Variants in PCDHGB1 observed in about 807,000 individuals in gnomAD.
The protein encoded by PCDHGB1 is protocadherin gamma subfamily B, 1, also known as protocadherin gamma-B1.
Under a neutral mutation model 56.6 loss-of-function variants are expected in PCDHGB1, and 34 were observed. That is an observed-to-expected ratio of 0.60 (90% CI 0.46 to 0.80). The LOEUF (loss-of-function observed/expected upper bound fraction) is 0.80, where lower values mean the gene tolerates loss of function less well. Among genes scored for constraint, PCDHGB1 ranks in the 30% least tolerant of loss-of-function variants. The pLI is 0.00. For synonymous variants in PCDHGB1, 561 were observed against 505.9 expected (o/e 1.11, Z -1.46); for missense variants, 1,278 against 1,204.6 (o/e 1.06, Z -0.90).
At chr5:141,410,668 T>C in intron 1 of PCDHGB1, 2 of 1,565,640 alleles carry the variant, frequency 1.3e-6, no homozygotes, top group African/African-American at 2.7e-5. Context: ...TCTACTAGTT[T>C]CTCATATTTT....
chr5:141,415,048 G>C lies in PCDHGB1; in HGVS notation c.2409+62379G>C, dbSNP rs535976406. The C allele has an allele frequency of 5.0e-5, 80 of 1,613,320 alleles. 1 individual carries two copies. The Admixed American group carries it at 6.0e-4, about 12-fold the overall frequency. ...CGAGCCGGGACTCTTCGCGGTGGGG[G>C]AGCACACGGGCGAGGTGCGCACGGC... is the stretch of plus-strand genomic sequence containing the variant. On this transcript the variant is annotated intron_variant, in intron 1 of 3. Transcript: ENST00000523390.
chr5:141,486,105 A>C lies in PCDHGB1; in HGVS notation c.2410-8702A>C. The stretch of plus-strand genomic sequence containing the variant: ...ACTCTTTTGGGGCCCCTAGACTTTG[A>C]GAGTGAGAATTACTATGAATTTGAT... On this transcript the variant is annotated intron_variant, in intron 1 of 3. Transcript: ENST00000523390. This position sits in a 1 kb window ranked among gnomAD's most constrained non-coding sequence, Gnocchi z 5.0. The C allele has an allele frequency of 1.2e-6, 2 of 1,614,138 alleles. No individual in the cohort carries two copies. The highest frequency in any genetic ancestry group is 1.7e-6 in the Non-Finnish European group (2 of 1,180,016).
chr5:141,427,405 C>T (rs1209638263), intron 1 of PCDHGB1: 1 of 462,180 alleles, frequency 2.2e-6, no homozygotes, highest in East Asian at 6.8e-5. Context: ...GATAAAGATT[C>T]GAGAGAAAAT....
chr5:141,414,469 G>T (rs944183814), intron 1 of PCDHGB1: 1 of 1,613,742 alleles, frequency 6.2e-7, no homozygotes, highest in African/African-American at 1.3e-5. Context: ...CACAGATGGG[G>T]GAAGTCCTCC....
At chr5:141,382,873 C>G (rs1338163064) in intron 1 of PCDHGB1, 4 of 1,522,326 alleles carry the variant, frequency 2.6e-6, no homozygotes, top group Non-Finnish European at 3.5e-6. Context: ...CCGAGATCGG[C>G]GCCTAAGCAA....
intron 1 of PCDHGB1, among the ~76,000 whole-genome samples, chr5:141,402,701 G>T (rs1561683907): frequency 1.3e-5 from 2 of 152,178 alleles, no homozygotes; most frequent in African/African-American, 2.4e-5. Context: ...ACATCAGTGG[G>T]TGTAGTAACG....
At chr5:141,389,462 C>G in intron 1 of PCDHGB1, 1 of 1,613,316 alleles carries the variant, frequency 6.2e-7, no homozygotes, top group East Asian at 2.2e-5. Flanking sequence ...TGCGCGCCTT[C>G]GAACTCACAC....
intron 1 of PCDHGB1, among the ~76,000 whole-genome samples, chr5:141,446,473 G>C (rs558209769): frequency 2.0e-4 from 29 of 148,138 alleles, no homozygotes; most frequent in Non-Finnish European, 1.5e-4. Context: ...TAGACATATG[G>C]TCATCATTCT....
chr5:141,462,911 T>C (rs1263378930), intron 1 of PCDHGB1, among the ~76,000 whole-genome samples: 1 of 152,248 alleles, frequency 6.6e-6, no homozygotes, highest in Non-Finnish European at 1.5e-5. Flanking sequence ...ATTATGTTTT[T>C]TGCAGATCAG....
At chr5:141,445,070 A>G (rs185808898) in intron 1 of PCDHGB1, among the ~76,000 whole-genome samples, 30 of 152,306 alleles carry the variant, frequency 2.0e-4, no homozygotes, top group African/African-American at 7.2e-4. Context: ...TATATTTCTC[A>G]TTAAATTGTC....
In PCDHGB1 at chr5:141,366,563, G is replaced by A. The variant is rs369803383; in HGVS notation, c.2409+13894G>A. 2.0e-5 allele frequency: 32 copies of A among 1,614,130 alleles called. No individual in the cohort carries two copies. The African/African-American group carries it at 3.1e-4, about 15-fold the overall frequency. On this transcript the variant is annotated intron_variant, in intron 1 of 3. Coordinates refer to ENST00000523390, the MANE Select transcript of PCDHGB1 (RefSeq NM_018922.3). ...CGCCTCGCACTTTGTGGGCGTGGAT[G>A]GGGTTCGGGCTTTCCTGCAGACCTA...
chr5:141,466,754 C>G (rs1045917268), intron 1 of PCDHGB1, among the ~76,000 whole-genome samples: 2 of 152,138 alleles, frequency 1.3e-5, no homozygotes, highest in South Asian at 2.1e-4. Context: ...GATAGGGGCT[C>G]TTTTCAAACT....
At chr5:141,366,185 G>A in intron 1 of PCDHGB1, 1 of 1,614,010 alleles carries the variant, frequency 6.2e-7, no homozygotes, top group Admixed American at 1.7e-5. Flanking sequence ...ACTCTTTGCG[G>A]TTGGGCTGCA....
intron 1 of PCDHGB1, among the ~76,000 whole-genome samples, chr5:141,461,001 A>C (rs1309762345): frequency 6.7e-6 from 1 of 150,320 alleles, no homozygotes; most frequent in Admixed American, 6.7e-5. Context: ...ATATATGTGT[A>C]TATATATATA....
chr5:141,431,147 G>A lies in PCDHGB1; in HGVS notation c.2410-63660G>A, dbSNP rs1303502732. ...AGAAGTAAGGGACATTAACGACAAT[G>A]CGCCTTACTTTCGTGAAAGTGAATT... On this transcript the variant is annotated intron_variant, in intron 1 of 3. Coordinates refer to ENST00000523390, the MANE Select transcript of PCDHGB1 (RefSeq NM_018922.3). The surrounding 1 kb of genome is among the most constrained non-coding windows in gnomAD (Gnocchi z 4.8). 6.2e-7 allele frequency: 1 copy of A among 1,614,228 alleles called. No homozygotes were observed. The highest frequency in any genetic ancestry group is 1.7e-5 in the Admixed American group (1 of 60,030).
At chr5:141,427,765 T>C (rs1331334394) in intron 1 of PCDHGB1, 3 of 1,387,170 alleles carry the variant, frequency 2.2e-6, no homozygotes, top group Non-Finnish European at 2.0e-6. Context: ...ACCACTGACT[T>C]GGAGCTGCGG....
chr5:141,431,178 TAA>T lies in PCDHGB1; in HGVS notation c.2410-63625_2410-63624del. On this transcript the variant is annotated intron_variant, in intron 1 of 3. Transcript: ENST00000523390. This position sits in a 1 kb window ranked among gnomAD's most constrained non-coding sequence, Gnocchi z 4.8. ...TACTTTCGTGAAAGTGAATTAGAAA[TAA>T]AAATTAGTGAAAATGCAGCCACTGA... is the stretch of plus-strand genomic sequence containing the variant. 1 of 1,614,078 alleles carries T rather than the reference TAA, an allele frequency of 6.2e-7. No homozygotes were observed. Among genetic ancestry groups the T allele is most frequent in the Non-Finnish European group, 8.5e-7 (1 of 1,180,000 alleles).
chr5:141,403,051 C>G (rs1273209859), intron 1 of PCDHGB1: 1 of 1,614,086 alleles, frequency 6.2e-7, no homozygotes, highest in African/African-American at 1.3e-5. Flanking sequence ...AGATTCGCTA[C>G]TCAGTGCCTG....
intron 1 of PCDHGB1, chr5:141,403,058 C>T (rs1264463559): frequency 1.9e-6 from 3 of 1,613,942 alleles, no homozygotes; most frequent in African/African-American, 2.7e-5. Context: ...CTACTCAGTG[C>T]CTGAAGAGAC....
Sources: gnomAD v4.1 joint callset for allele counts (sites outside exome capture counted in the v4.1 genomes callset) on GRCh38, gnomAD v4.1.1 for gene constraint, Gnocchi (gnomAD v3.1) non-coding constraint, MANE v1.5 for transcripts, NCBI Gene and HGNC (gene_info 2026-07-23, HGNC 2026-07-21) for gene names.